Variants in MRPS18C observed in about 807,000 individuals in gnomAD.
MRPS18C encodes small ribosomal subunit protein bS18m.
MRPS18C carries 21 observed loss-of-function variants against 21.0 expected under a neutral mutation model. That is an observed-to-expected ratio of 1.00 (90% CI 0.71 to 1.44). The LOEUF is 1.44. Among genes scored for constraint, MRPS18C ranks in the 40% most tolerant of loss-of-function variants. The pLI, the probability that MRPS18C is intolerant of heterozygous loss-of-function variation, is 0.00. For synonymous variants in MRPS18C, 65 were observed against 54.3 expected, an observed-to-expected ratio of 1.20 and a Z score of -0.87; for missense variants, 152 against 171.5, an observed-to-expected ratio of 0.89 and a Z score of 0.64.
chr4:83,459,482 G>A, intron 3 of MRPS18C: 1 of 339,900 alleles, frequency 2.9e-6, no homozygotes, highest in Non-Finnish European at 5.3e-6. Context: ...GGTATCTGTG[G>A]AAGTCAAGAA....
chr4:83,458,183 A>C, intron 2 of MRPS18C, 163 bp from the exon 3 acceptor site: 1 of 535,990 alleles, frequency 1.9e-6, no homozygotes, highest in Non-Finnish European at 3.2e-6. Flanking sequence ...CCCATGCGTT[A>C]ATCCGTAGGC....
At position 83,456,170 on chromosome 4, in the gene MRPS18C, T is replaced by G. The variant is rs747447651; in HGVS notation, c.93T>G (p.Thr31=). Reference sequence around the variant, plus strand: ...CTGTCAGCCTTACACATCCCGGGACTCACACGGGTAAAGTCTCCATATCCT... The same window carrying G: ...CTGTCAGCCTTACACATCCCGGGACGCACACGGGTAAAGTCTCCATATCCT... ...TAAVSLTHPG[T]HTVLWRRGCS... The change falls in exon 1 of 6, where the codon ACT becomes ACG. Residue 31 remains threonine (T), a synonymous_variant. Coordinates refer to ENST00000295491, the MANE Select transcript of MRPS18C (RefSeq NM_016067.4). 1.9e-6 allele frequency: 3 copies of G among 1,612,952 alleles called. No individual in the cohort carries two copies. Among genetic ancestry groups the G allele is most frequent in the Non-Finnish European group, 2.5e-6 (3 of 1,179,228 alleles).
At chr4:83,459,950 C>A in intron 4 of MRPS18C, 153 bp downstream of exon 4, 1 of 576,992 alleles carries the variant, frequency 1.7e-6, no homozygotes, top group Non-Finnish European at 3.0e-6. Flanking sequence ...ATGAAAAAGT[C>A]TCTTAGGCCA....
chr4:83,461,153 T>C lies in MRPS18C; in HGVS notation c.385T>C (p.Tyr129His), dbSNP rs374255332. 1 of 1,613,294 alleles carries C rather than the reference T, an allele frequency of 6.2e-7. No homozygotes were observed. The highest frequency in any genetic ancestry group is 8.5e-7 in the Non-Finnish European group (1 of 1,179,806). Residue 129 changes from tyrosine to histidine, a missense_variant, in exon 6 of 6, where the codon TAT becomes CAT. Tyr to His is a moderately conservative substitution (Grantham distance 83). This residue lies in a region of MRPS18C where 34 missense variants were observed against 67.1 expected (regional missense o/e 0.51). Transcript: ENST00000295491. ...GCCAGTTACATACAAGGATCCTGCA[T>C]ATCTCAAGGACCCTAAAGTTTGTAA... Reference protein sequence around the residue: ...FMPVTYKDPAYLKDPKVCNIR... With the variant: ...FMPVTYKDPAHLKDPKVCNIR...
Position 83,456,934 on chromosome 4 carries a change from A to G in MRPS18C, c.126A>G (p.Gln42=). The part of the protein sequence containing the change: ...HTVLWRRGCS[Q]QVSSNEDLPI... ...TGCTTTGGAGAAGAGGTTGTTCACA[A>G]CAGGTATCCAGCAATGAGGACCTGG... The change falls in exon 2 of 6, where the codon CAA becomes CAG. Residue 42 remains glutamine, a synonymous_variant. Transcript: ENST00000295491. 1.9e-6 allele frequency: 3 copies of G among 1,612,470 alleles called. No individual in the cohort carries two copies. Among genetic ancestry groups the G allele is most frequent in the Non-Finnish European group, 2.5e-6 (3 of 1,179,864 alleles).
intron 4 of MRPS18C, 86 bp downstream of exon 4, chr4:83,459,883 A>G (rs375151433): frequency 2.2e-6 from 1 of 451,450 alleles, no homozygotes; most frequent in African/African-American, 2.1e-5. Context: ...TCAAATTTTC[A>G]AATTGTGCTA....
intron 2 of MRPS18C, chr4:83,457,499 T>C (rs1422944774): frequency 6.6e-6 from 1 of 152,122 alleles, no homozygotes; most frequent in Non-Finnish European, 1.5e-5. Context: ...TTACGTGAGC[T>C]GAATGTAAAT....
chr4:83,460,858 A>T, intron 4 of MRPS18C, 115 bp from the exon 5 acceptor site: 1 of 830,270 alleles, frequency 1.2e-6, no homozygotes. Context: ...GTGAGGCGAG[A>T]GAGCACCACT....
At chr4:83,457,623 C>T (rs996893722) in intron 2 of MRPS18C, 6 of 152,238 alleles carry the variant, frequency 3.9e-5, no homozygotes, top group Non-Finnish European at 7.3e-5. Context: ...GACATTATTT[C>T]TTTTTTAGTT....
rs766771788 is a variant in MRPS18C, at chr4:83,459,748, C to T, written c.243C>T (p.Ser81=). ...ATAAAACTCCAAAACAGCTTTTGTC[C>T]CAGTTTGTTTCTCCATTTACTGGAT... is the stretch of plus-strand genomic sequence containing the variant. ...HVDYKNVQLL[S]QFVSPFTGCI... is the part of the protein sequence containing the mutation. Residue 81 remains serine, a synonymous_variant, in exon 4 of 6, where the codon TCC becomes TCT. Transcript: ENST00000295491. 7 of 1,609,312 alleles carry T rather than the reference C, an allele frequency of 4.3e-6. No individual in the cohort carries two copies. The highest frequency in any genetic ancestry group is 5.9e-6 in the Non-Finnish European group (7 of 1,177,676).
rs1323089111 is a variant in MRPS18C, at chr4:83,462,039, AAAT to A, written c.*845_*847del. The A allele has an allele frequency of 8.7e-6, 2 of 229,412 alleles. No homozygotes were observed. Among genetic ancestry groups the A allele is most frequent in the African/African-American group, 4.4e-5 (2 of 45,128 alleles). 14.2% of individuals were successfully genotyped at this position (229,412 alleles called of 1,614,324 possible). A position where few individuals can be genotyped will look rare whatever the true frequency, so the allele number is the denominator to read the frequency against. ...ATATAAATTTCTTTCCATATTTTGAAAATAAGGCTATTCTTGCTTTTCCATTTT... is the reference window on the plus strand; with the variant it reads ...ATATAAATTTCTTTCCATATTTTGAAAAGGCTATTCTTGCTTTTCCATTTT... On this transcript the variant is annotated 3_prime_UTR_variant, in exon 6 of 6. Transcript: ENST00000295491.
chr4:83,459,786 G>A lies in MRPS18C; in HGVS notation c.281G>A (p.Arg94Lys). 1 of 1,607,208 alleles carries A rather than the reference G, an allele frequency of 6.2e-7. No individual in the cohort carries two copies. The highest frequency in any genetic ancestry group is 8.5e-7 in the Non-Finnish European group (1 of 1,175,324). The part of the protein sequence containing the change: ...VSPFTGCIYG[R>K]HITGLCGKKQ... ...CCATTTACTGGATGCATTTATGGAAGGCACATTACAGGTATGTTCTTTTTT... is the reference window on the plus strand; with the variant it reads ...CCATTTACTGGATGCATTTATGGAAAGCACATTACAGGTATGTTCTTTTTT... Residue 94 changes from arginine to lysine, a missense_variant, in exon 4 of 6, where the codon AGG becomes AAG. Physicochemically the swap from Arg to Lys is conservative, Grantham distance 26. Around this residue, in one of 2 missense-constraint regions of MRPS18C, gnomAD observed 34 missense variants for 67.1 expected, o/e 0.51. Transcript: ENST00000295491.
chr4:83,461,433 C>A lies in MRPS18C; in HGVS notation c.*236C>A. The A allele has an allele frequency of 2.1e-6, 1 of 469,044 alleles. No homozygotes were observed. Among genetic ancestry groups the A allele is most frequent in the Non-Finnish European group, 3.9e-6 (1 of 256,122 alleles). 29.1% of individuals were successfully genotyped at this position (469,044 alleles called of 1,614,324 possible). A position where few individuals can be genotyped will look rare whatever the true frequency, so the allele number is the denominator to read the frequency against. ...GTGTGATTGTCATTTATATCTGATC[C>A]CCAAATAGCTCATACAATAATCCAT... is the stretch of plus-strand genomic sequence containing the variant. On this transcript the variant is annotated 3_prime_UTR_variant, in exon 6 of 6. Transcript: ENST00000295491.
In MRPS18C at chr4:83,461,268, C is replaced by T. The variant is rs1196758560; in HGVS notation, c.*71C>T. The stretch of plus-strand genomic sequence containing the variant: ...TGTATGATGCCAATACTGACTCAAA[C>T]CAACCTTTGGATAGAAAAGTGTTTG... On this transcript the variant is annotated 3_prime_UTR_variant, in exon 6 of 6. Coordinates refer to ENST00000295491, the MANE Select transcript of MRPS18C (RefSeq NM_016067.4). 49 of 1,329,616 alleles carry T rather than the reference C, an allele frequency of 3.7e-5. No individual in the cohort carries two copies. Among genetic ancestry groups the T allele is most frequent in the Non-Finnish European group, 5.2e-5 (48 of 926,242 alleles). 82.4% of individuals were successfully genotyped at this position (1,329,616 alleles called of 1,614,324 possible).
chr4:83,456,522 A>G (rs1490954928), intron 1 of MRPS18C, among the ~76,000 whole-genome samples: 1 of 152,084 alleles, frequency 6.6e-6, no homozygotes, highest in Non-Finnish European at 1.5e-5. Context: ...AATTTTTGCA[A>G]TTTTATCTTC....
intron 2 of MRPS18C, chr4:83,457,259 G>A (rs1045316199): frequency 5.3e-6 from 1 of 188,280 alleles, no homozygotes; most frequent in Non-Finnish European, 1.1e-5. Flanking sequence ...TTTGGGAATT[G>A]TTTTTTTTTT....
chr4:83,458,377 C>G lies in MRPS18C; in HGVS notation c.182C>G (p.Pro61Arg). 6.2e-7 allele frequency: 1 copy of G among 1,605,260 alleles called. No homozygotes were observed. Among genetic ancestry groups the G allele is most frequent in the Non-Finnish European group, 8.5e-7 (1 of 1,173,454 alleles). The change falls in exon 3 of 6, where the codon CCT becomes CGT. Residue 61 changes from proline to arginine, a missense_variant. This residue lies in a region of MRPS18C where 118 missense variants were observed against 104.4 expected (regional missense o/e 1.13). Transcript: ENST00000295491. ...PISMENPYKE[P>R]LKKCILCGKH... ...TCAATGGAAAATCCTTATAAAGAAC[C>G]TCTTAAGAAATGTATCTTGTGTGGA...
intron 2 of MRPS18C, chr4:83,457,462 A>T (rs1030666221): frequency 2.0e-5 from 3 of 152,880 alleles, no homozygotes; most frequent in African/African-American, 7.2e-5. Flanking sequence ...GACCATACAA[A>T]GCACTTGGCA....
In MRPS18C at chr4:83,461,910, A is replaced by G. The variant is rs1193726658; in HGVS notation, c.*713A>G. ...TTTAAATTTTAGATGATGTTTTGCA[A>G]ATTTATTGCATGATATCCAGCATTT... On this transcript the variant is annotated 3_prime_UTR_variant, in exon 6 of 6. Coordinates refer to ENST00000295491, the MANE Select transcript of MRPS18C (RefSeq NM_016067.4). 3 of 229,574 alleles carry G rather than the reference A, an allele frequency of 1.3e-5. No individual in the cohort carries two copies. Among genetic ancestry groups the G allele is most frequent in the Non-Finnish European group, 2.6e-5 (3 of 115,964 alleles). 14.2% of individuals were successfully genotyped at this position (229,574 alleles called of 1,614,324 possible).
Sources: allele counts gnomAD v4.1 joint callset (sites outside exome capture counted in the v4.1 genomes callset), GRCh38; gene constraint gnomAD v4.1.1; regional missense constraint gnomAD v4.1.1; transcripts MANE v1.5; gene names NCBI Gene and HGNC (gene_info 2026-07-23, HGNC 2026-07-21).